THRB: variants seen among roughly 807,000 people sequenced by gnomAD.
THRB encodes the protein nuclear receptor subfamily 1 group A member 2.
THRB carries 12 observed loss-of-function variants against 47.8 expected under a neutral mutation model. That is an observed-to-expected ratio of 0.25 (90% confidence interval 0.16 to 0.41). The LOEUF is 0.41. THRB is among the 10% of genes least tolerant of loss of function. The probability of loss-of-function intolerance (pLI) is 1.00; values close to 1 mark genes in which losing one functional copy is unlikely to be tolerated. For missense variants in THRB, 348 were observed against 589.2 expected, an observed-to-expected ratio of 0.59 and a Z score of 4.24; for synonymous variants, 218 against 212.2, an observed-to-expected ratio of 1.03 and a Z score of -0.24.
chr3:24,146,047 A>G (rs535780665), intron 7 of THRB, among the ~76,000 whole-genome samples: 2 of 152,168 alleles, frequency 1.3e-5, no homozygotes, highest in Non-Finnish European at 2.9e-5. Context: ...TCGCCACCAT[A>G]TGCTGTAGCA....
chr3:24,238,457 A>G (rs2049144147), intron 3 of THRB, among the ~76,000 whole-genome samples: 1 of 152,136 alleles, frequency 6.6e-6, no homozygotes, highest in African/African-American at 2.4e-5. Context: ...ACAAACAAGA[A>G]TGTGAAAATA....
At chr3:24,165,914 T>C (rs1362015254) in intron 5 of THRB, among the ~76,000 whole-genome samples, 1 of 152,202 alleles carries the variant, frequency 6.6e-6, no homozygotes, top group Non-Finnish European at 1.5e-5. Context: ...TCTAGTTTAT[T>C]AGCATGAACC....
chr3:24,279,561 A>ACT (rs1553689204), intron 3 of THRB, among the ~76,000 whole-genome samples: 2 of 141,102 alleles, frequency 1.4e-5, no homozygotes, highest in Non-Finnish European at 3.1e-5. Flanking sequence ...ATTTTTTTGT[A>ACT]TTTTTTTTTT....
intron 3 of THRB, among the ~76,000 whole-genome samples, chr3:24,243,336 C>T (rs2049766233): frequency 6.6e-6 from 1 of 152,096 alleles, no homozygotes; most frequent in African/African-American, 2.4e-5. Flanking sequence ...CACCCCTCTG[C>T]TCAAAATCCC....
intron 5 of THRB, among the ~76,000 whole-genome samples, chr3:24,171,363 C>T (rs1004714393): frequency 1.2e-4 from 18 of 152,246 alleles, no homozygotes; most frequent in Middle Eastern, 3.4e-3. Context: ...CTGGGACTTC[C>T]GGAGCACCCA....
At chr3:24,200,391 G>T (rs891879343) in intron 4 of THRB, among the ~76,000 whole-genome samples, 13 of 152,070 alleles carry the variant, frequency 8.5e-5, no homozygotes, top group African/African-American at 3.1e-4. Context: ...ATGATTTGTG[G>T]ACAAAAATCA....
intron 3 of THRB, among the ~76,000 whole-genome samples, chr3:24,290,658 A>G (rs1225713308): frequency 6.6e-6 from 1 of 152,190 alleles, no homozygotes; most frequent in Non-Finnish European, 1.5e-5. Flanking sequence ...TTAGGGGAAG[A>G]AATGTATTTT....
intron 1 of THRB, among the ~76,000 whole-genome samples, chr3:24,340,427 C>T (rs1396635037): frequency 6.6e-6 from 1 of 151,356 alleles, no homozygotes; most frequent in East Asian, 1.9e-4. Flanking sequence ...TCTCTCATCT[C>T]TGGTTTTTCA....
intron 7 of THRB, chr3:24,144,091 T>G (rs2035791960): frequency 3.9e-6 from 1 of 255,936 alleles, no homozygotes; most frequent in African/African-American, 2.2e-5. Context: ...TCTGGGTTTC[T>G]GTCCTCCCCG....
intron 1 of THRB, among the ~76,000 whole-genome samples, chr3:24,467,069 G>A (rs2074213433): frequency 6.6e-6 from 1 of 152,144 alleles, no homozygotes; most frequent in African/African-American, 2.4e-5. Context: ...CTAAGTTTAT[G>A]GAATATTCTA....
intron 1 of THRB, among the ~76,000 whole-genome samples, chr3:24,411,153 G>A (rs1386625867): frequency 6.6e-6 from 1 of 151,676 alleles, no homozygotes; most frequent in African/African-American, 2.4e-5. Context: ...TTATCATCTT[G>A]TAAAACCCCT....
chr3:24,220,904 G>C (rs1467838661), intron 4 of THRB, among the ~76,000 whole-genome samples: 2 of 152,104 alleles, frequency 1.3e-5, no homozygotes, highest in Non-Finnish European at 2.9e-5. Context: ...ACAGTCTGCT[G>C]TGGCGGCCCT....
At chr3:24,173,552 TA>T (rs1217953513) in intron 5 of THRB, among the ~76,000 whole-genome samples, 4 of 152,180 alleles carry the variant, frequency 2.6e-5, no homozygotes, top group African/African-American at 9.7e-5. Context: ...TCTTTGGACA[TA>T]ATACTATCAC....
intron 4 of THRB, among the ~76,000 whole-genome samples, chr3:24,198,886 T>A (rs1271417152): frequency 6.6e-6 from 1 of 152,114 alleles, no homozygotes; most frequent in Admixed American, 6.5e-5. Flanking sequence ...GGAGGGTGTG[T>A]CTTCCTGGCC....
intron 7 of THRB, among the ~76,000 whole-genome samples, chr3:24,146,010 G>A (rs934987335): frequency 6.6e-6 from 1 of 152,072 alleles, no homozygotes; most frequent in South Asian, 2.1e-4. Flanking sequence ...CGCACAGTGT[G>A]GGGAGAAGAG....
intron 3 of THRB, among the ~76,000 whole-genome samples, chr3:24,287,355 T>C (rs1222651587): frequency 6.6e-6 from 1 of 152,188 alleles, no homozygotes; most frequent in East Asian, 1.9e-4. Flanking sequence ...GAACCTGCAG[T>C]TGGACTGTAT....
At chr3:24,228,810 A>G in intron 4 of THRB, 128 bp downstream of exon 4, 1 of 857,908 alleles carries the variant, frequency 1.2e-6, no homozygotes, top group Non-Finnish European at 1.9e-6. Context: ...CACAGGATTT[A>G]ATAACACTTA....
At chr3:24,390,402 T>C (rs2066471402) in intron 1 of THRB, among the ~76,000 whole-genome samples, 1 of 152,164 alleles carries the variant, frequency 6.6e-6, no homozygotes, top group Admixed American at 6.6e-5. Context: ...GCACATGACA[T>C]ATCAGCATAT....
chr3:24,228,016 T>C (rs1183239296), intron 4 of THRB, among the ~76,000 whole-genome samples: 1 of 152,228 alleles, frequency 6.6e-6, no homozygotes, highest in Non-Finnish European at 1.5e-5. Context: ...GGATATTTCA[T>C]TTAAAATCCG....
Sources: gnomAD v4.1 joint callset for allele counts (sites outside exome capture counted in the v4.1 genomes callset) on GRCh38, gnomAD v4.1.1 for gene constraint, MANE v1.5 for transcripts, NCBI Gene and HGNC (gene_info 2026-07-23, HGNC 2026-07-21) for gene names.